ATG16L1: variants seen among roughly 807,000 people sequenced by gnomAD.
ATG16L1 encodes autophagy related 16 like 1, also known as autophagy-related protein 16-1.
Under a neutral mutation model 88.5 loss-of-function variants are expected in ATG16L1, and 37 were observed. The observed-to-expected ratio is 0.42, with a 90% CI of 0.32 to 0.55. The LOEUF is 0.55. Among genes scored for constraint, ATG16L1 ranks in the 20% least tolerant of loss-of-function variants. The pLI is 0.13. For synonymous variants in ATG16L1, 301 were observed against 281.0 expected (o/e 1.07, Z -0.71); for missense variants, 554 against 752.8 (o/e 0.74, Z 3.09).
intron 2 of ATG16L1, among the ~76,000 whole-genome samples, chr2:233,257,961 C>G (rs1388884747): frequency 3.4e-5 from 5 of 148,704 alleles, no homozygotes; most frequent in Non-Finnish European, 1.5e-5. Flanking sequence ...AAGATTACAC[C>G]ACTGCACTCC....
chr2:233,283,319 C>T (rs574743159), intron 12 of ATG16L1, among the ~76,000 whole-genome samples: 138 of 151,896 alleles, frequency 9.1e-4, no homozygotes, highest in Non-Finnish European at 1.6e-3. Context: ...GGGCAGGGGG[C>T]GGAGGGCGAA....
rs745875140 is a variant in ATG16L1 at position 233,253,053 on chromosome 2, G to A, written c.115+1111G>A. On this transcript the variant is annotated intron_variant, in intron 1 of 17. Coordinates refer to ENST00000392017, the MANE Select transcript of ATG16L1 (RefSeq NM_030803.7). ...ACACCCCAGACCAACTAAATCACAAGTATCACAGTACACAAGTATCAGTGT... is the reference window on the plus strand; with the variant it reads ...ACACCCCAGACCAACTAAATCACAAATATCACAGTACACAAGTATCAGTGT... Among the ~76,000 whole-genome samples, 6 of 152,102 alleles carry A rather than the reference G, an allele frequency of 3.9e-5. No individual in the cohort carries two copies. The South Asian group carries it at 6.2e-4, about 16-fold the overall frequency.
At chr2:233,253,340 G>GTTTTTTTTTTTTTTTT (rs56151049) in intron 1 of ATG16L1, among the ~76,000 whole-genome samples, 6 of 108,660 alleles carry the variant, frequency 5.5e-5, no homozygotes, top group African/African-American at 1.8e-4. Context: ...GGGTTTTTTT[G>GTTTTTTTTTTTTTTTT]TTTTTTTTTT....
At chr2:233,278,370 G>A (rs892930685) in intron 10 of ATG16L1, among the ~76,000 whole-genome samples, 22 of 152,200 alleles carry the variant, frequency 1.4e-4, no homozygotes, top group African/African-American at 5.1e-4. Flanking sequence ...TAAGGCCGAA[G>A]AATAAGGCTT....
chr2:233,294,480 C>A lies in ATG16L1; in HGVS notation c.*130C>A. On this transcript the variant is annotated 3_prime_UTR_variant, in exon 18 of 18. Coordinates refer to ENST00000392017, the MANE Select transcript of ATG16L1 (RefSeq NM_030803.7). ...TCCCAGAGAAGCTCAAGCTATGTGG[C>A]ACTGTAGCTTTGCCGTGAATGGGAT... 1.6e-6 allele frequency: 1 copy of A among 609,986 alleles called. No homozygotes were observed. The highest frequency in any genetic ancestry group is 2.8e-6 in the Non-Finnish European group (1 of 360,562). The allele number at this position is 609,986 out of a possible 1,614,324, so 37.8% of individuals were successfully genotyped here. A position where few individuals can be genotyped will look rare whatever the true frequency, so the allele number is the denominator to read the frequency against.
Position 233,253,310 on chromosome 2 carries a change from A to C in ATG16L1, c.115+1368A>C, listed in dbSNP as rs139673757. Among the ~76,000 whole-genome samples, 320 of 149,236 alleles carry C rather than the reference A, an allele frequency of 2.1e-3. 1 individual carries two copies. Among genetic ancestry groups the C allele is most frequent in the African/African-American group, 7.6e-3 (309 of 40,618 alleles). ...GATTAGGTAACTTCTGAGGTTGCACAGCAGGTTAATGGTGAGACTGGGTTT... is the reference window on the plus strand; with the variant it reads ...GATTAGGTAACTTCTGAGGTTGCACCGCAGGTTAATGGTGAGACTGGGTTT... On this transcript the variant is annotated intron_variant, in intron 1 of 17. Transcript: ENST00000392017.
chr2:233,289,408 T>TGTGTGTGTGTGTGTGTGTGTGTGTGTGA (rs144316394), intron 12 of ATG16L1, among the ~76,000 whole-genome samples: 3 of 149,536 alleles, frequency 2.0e-5, no homozygotes, highest in African/African-American at 7.5e-5. Context: ...TGTGTGTGTG[T>TGTGTGTGTGTGTGTGTGTGTGTGTGTGA]GACAGGATCT....
intron 8 of ATG16L1, chr2:233,274,409 G>C (rs370619293): frequency 3.5e-5 from 15 of 430,634 alleles, no homozygotes; most frequent in East Asian, 3.4e-4. Context: ...GTAAGCAGTT[G>C]TTCAGGATTG....
chr2:233,276,682 G>A (rs895755554), intron 9 of ATG16L1, among the ~76,000 whole-genome samples: 10 of 152,122 alleles, frequency 6.6e-5, no homozygotes, highest in Non-Finnish European at 1.3e-4. Context: ...TCGCCACGTT[G>A]CCCAGGCTGG....
chr2:233,256,579 G>A (rs898327876), intron 2 of ATG16L1, among the ~76,000 whole-genome samples: 2 of 151,744 alleles, frequency 1.3e-5, no homozygotes, highest in Non-Finnish European at 2.9e-5. Flanking sequence ...TGGCACATAC[G>A]TAAAAATTGC....
intron 3 of ATG16L1, 132 bp from the exon 4 acceptor site, chr2:233,263,860 A>C (rs1008587164): frequency 2.7e-6 from 2 of 731,998 alleles, no homozygotes; most frequent in Admixed American, 2.6e-5. Flanking sequence ...TTGTGTCCCC[A>C]TAGGCGCCTC....
At chr2:233,293,896 G>A (rs985921321) in intron 17 of ATG16L1, among the ~76,000 whole-genome samples, 2 of 152,194 alleles carry the variant, frequency 1.3e-5, no homozygotes, top group African/African-American at 4.8e-5. Context: ...TTGGGCAGCA[G>A]CAACTGCTCC....
At position 233,295,389 on chromosome 2, in the gene ATG16L1, C is replaced by G. The variant is rs1166922586; in HGVS notation, c.*1039C>G. 6.5e-6 allele frequency: 1 copy of G among 152,728 alleles called. No individual in the cohort carries two copies. The highest frequency in any genetic ancestry group is 2.4e-5 in the African/African-American group (1 of 41,428). 9.5% of individuals were successfully genotyped at this position (152,728 alleles called of 1,614,324 possible). On this transcript the variant is annotated 3_prime_UTR_variant, in exon 18 of 18. Coordinates refer to ENST00000392017, the MANE Select transcript of ATG16L1 (RefSeq NM_030803.7). The stretch of plus-strand genomic sequence containing the variant: ...CCTTTTTATCACTTTTAAATTTGCA[C>G]TTTATTTTTTTTCTTCCATGCTTGT...
Position 233,286,621 on chromosome 2 carries a change from C to CATTTTTTTTTTTTT in ATG16L1, c.1204-3233_1204-3232insATTTTTTTTTTTTT, listed in dbSNP as rs34087184. 1.0e-3 allele frequency among the ~76,000 whole-genome samples: 97 copies of CATTTTTTTTTTTTT among 93,270 alleles called. 2 individuals are homozygous for CATTTTTTTTTTTTT. Among genetic ancestry groups the CATTTTTTTTTTTTT allele is most frequent in the African/African-American group, 2.4e-3 (51 of 21,486 alleles). 61.2% of individuals were successfully genotyped at this position (93,270 alleles called of 152,430 possible). On this transcript the variant is annotated intron_variant, in intron 12 of 17. Transcript: ENST00000392017. Reference sequence around the variant, plus strand: ...AGAATAAGGTGAGCAGAAGCCCAAACTTTTTTTTTTTTTTTTTTTTTTGAG... The same window carrying CATTTTTTTTTTTTT: ...AGAATAAGGTGAGCAGAAGCCCAAACATTTTTTTTTTTTTTTTTTTTTTTTTTTTTTTTTTTGAG...
chr2:233,267,350 A>G (rs1214161097), intron 5 of ATG16L1, among the ~76,000 whole-genome samples: 1 of 152,266 alleles, frequency 6.6e-6, no homozygotes, highest in Non-Finnish European at 1.5e-5. Flanking sequence ...CTCTGCCTCA[A>G]AAGCAAAACG....
intron 14 of ATG16L1, 129 bp downstream of exon 14, chr2:233,290,482 T>C: frequency 2.8e-6 from 2 of 724,198 alleles, no homozygotes; most frequent in East Asian, 2.6e-5. Context: ...AGTGTTAGCT[T>C]ATTAACACTT....
chr2:233,274,934 A>G (rs1574873426), intron 9 of ATG16L1, among the ~76,000 whole-genome samples, 156 bp downstream of exon 9: 1 of 152,214 alleles, frequency 6.6e-6, no homozygotes, highest in African/African-American at 2.4e-5. Context: ...AGAAATTGAT[A>G]TATTTTGCTT....
Position 233,265,016 on chromosome 2 carries a change from A to G in ATG16L1, c.514A>G (p.Thr172Ala), listed in dbSNP as rs1408101565. The G allele has an allele frequency of 1.9e-6, 3 of 1,614,102 alleles. No homozygotes were observed. Among genetic ancestry groups the G allele is most frequent in the Non-Finnish European group, 2.5e-6 (3 of 1,180,046 alleles). ...LKDEYDALQI[T>A]FTALEGKLRK... ...GGATGAATATGATGCCCTGCAGATC[A>G]CTTTTACTGCCTTGGAGGGAAAACT... Residue 172 changes from threonine to alanine, a missense_variant, in exon 5 of 18, where the codon ACT becomes GCT. Transcript: ENST00000392017.
At chr2:233,281,074 C>T (rs372439850) in intron 10 of ATG16L1, 31 bp from the exon 11 acceptor site, 8 of 1,458,742 alleles carry the variant, frequency 5.5e-6, no homozygotes, top group Non-Finnish European at 6.6e-6. Flanking sequence ...TATTTAACTT[C>T]CCATCATCCT....
Sources: allele counts gnomAD v4.1 joint callset (sites outside exome capture counted in the v4.1 genomes callset), GRCh38; gene constraint gnomAD v4.1.1; transcripts MANE v1.5; gene names NCBI Gene and HGNC (gene_info 2026-07-23, HGNC 2026-07-21).